The following SVOPL variants were observed in gnomAD, a reference collection of about 807,000 sequenced individuals.
The protein encoded by SVOPL is putative transporter SVOPL.
Under a neutral mutation model 61.0 loss-of-function variants are expected in SVOPL, and 60 were observed. The observed-to-expected ratio is 0.98, with a 90% CI of 0.80 to 1.22. The LOEUF is 1.22. Among genes scored for constraint, SVOPL ranks in the 50% most tolerant of loss-of-function variants. SVOPL has a pLI of 0.00. For synonymous variants in SVOPL, 279 were observed against 250.0 expected, an observed-to-expected ratio of 1.12 and a Z score of -1.09; for missense variants, 662 against 643.9, an observed-to-expected ratio of 1.03 and a Z score of -0.30.
chr7:138,598,067 A>C (rs1015952341), intron 14 of SVOPL, among the ~76,000 whole-genome samples: 14 of 152,240 alleles, frequency 9.2e-5, no homozygotes, highest in Admixed American at 7.2e-4. Flanking sequence ...AGTTTACTAA[A>C]GTCAGTTTCT....
intron 1 of SVOPL, among the ~76,000 whole-genome samples, chr7:138,691,817 A>G (rs2117141800): frequency 6.6e-6 from 1 of 152,040 alleles, no homozygotes. Flanking sequence ...CTGGGATTAC[A>G]GGCATGAGCC....
intron 6 of SVOPL, among the ~76,000 whole-genome samples, chr7:138,657,130 A>ATTTGTTTG (rs201878592): frequency 3.0e-5 from 4 of 135,380 alleles, no homozygotes; most frequent in East Asian, 4.6e-4. Context: ...CCCTTTTCTT[A>ATTTGTTTG]TTTGTTTATT....
Position 138,596,316 on chromosome 7 carries a change from T to G in SVOPL, c.1467+101A>C, listed in dbSNP as rs932305135. 4 of 941,366 alleles carry G rather than the reference T, an allele frequency of 4.2e-6. No homozygotes were observed. In the African/African-American group the frequency reaches 5.0e-5, roughly 12 times the overall value. 58.3% of individuals were successfully genotyped at this position (941,366 alleles called of 1,614,324 possible). On this transcript the variant is annotated intron_variant, in intron 15 of 15. Transcript: ENST00000674285. ...TTTACAGAAAGAAATCTGATATGAA[T>G]TATTAGTTATTTTAACTACAATGAT...
intron 4 of SVOPL, among the ~76,000 whole-genome samples, chr7:138,666,832 T>C (rs1353068719): frequency 3.3e-5 from 5 of 152,170 alleles, no homozygotes; most frequent in South Asian, 2.1e-4. Context: ...CTCACAAACA[T>C]GTATAGCTTT....
rs776614141 is a variant in SVOPL, at chr7:138,663,163, AT to A, written c.274-19del. On this transcript the variant is annotated intron_variant, in intron 4 of 15. Transcript: ENST00000674285. ...AACACCATCTGCAAGTGGGAGCGAG[AT>A]AAAACGGTTCTCTAAGCAGGTTTTA... 6.2e-7 allele frequency: 1 copy of A among 1,611,264 alleles called. No homozygotes were observed. Among genetic ancestry groups the A allele is most frequent in the Non-Finnish European group, 8.5e-7 (1 of 1,178,842 alleles).
intron 9 of SVOPL, among the ~76,000 whole-genome samples, chr7:138,641,835 A>ATATATAT (rs1208355061): frequency 5.0e-5 from 1 of 20,070 alleles, no homozygotes; most frequent in African/African-American, 1.1e-4. Flanking sequence ...TATATATATA[A>ATATATAT]CATATATATA....
chr7:138,683,587 T>G (rs1802744147), intron 1 of SVOPL, among the ~76,000 whole-genome samples: 1 of 152,078 alleles, frequency 6.6e-6, no homozygotes, highest in South Asian at 2.1e-4. Context: ...CAGGCTGGTC[T>G]TGAATTCCTG....
chr7:138,660,522 C>T (rs1428670452), intron 5 of SVOPL: 1 of 985,798 alleles, frequency 1.0e-6, no homozygotes, highest in African/African-American at 1.7e-5. Flanking sequence ...TAATGGCTGG[C>T]TATAAATGTT....
At chr7:138,661,873 CTG>C in intron 5 of SVOPL, 2 of 984,668 alleles carry the variant, frequency 2.0e-6, no homozygotes, top group Non-Finnish European at 2.4e-6. Context: ...AATTTCGTCT[CTG>C]TTTCTTCCTT....
chr7:138,599,424 G>C (rs916974324), intron 14 of SVOPL, among the ~76,000 whole-genome samples: 1 of 152,138 alleles, frequency 6.6e-6, no homozygotes, highest in Admixed American at 6.5e-5. Context: ...AGTATCTATG[G>C]ACATTTGGTT....
chr7:138,677,163 C>T (rs1197810298), intron 3 of SVOPL, among the ~76,000 whole-genome samples: 1 of 152,242 alleles, frequency 6.6e-6, no homozygotes, highest in Non-Finnish European at 1.5e-5. Flanking sequence ...CTCGGCCTCC[C>T]AAAGTGCTGG....
chr7:138,635,825 G>T (rs913421542), intron 9 of SVOPL, among the ~76,000 whole-genome samples: 4 of 152,176 alleles, frequency 2.6e-5, no homozygotes, highest in African/African-American at 9.6e-5. Flanking sequence ...CAAGAAATTG[G>T]CAATTGCTGT....
chr7:138,636,466 T>C (rs1158692543), intron 9 of SVOPL, among the ~76,000 whole-genome samples: 5 of 147,778 alleles, frequency 3.4e-5, no homozygotes, highest in East Asian at 4.0e-4. Flanking sequence ...CAAACTCTCA[T>C]AGGATTTTTC....
chr7:138,657,590 C>T (rs1378444763), intron 6 of SVOPL, among the ~76,000 whole-genome samples: 1 of 152,048 alleles, frequency 6.6e-6, no homozygotes, highest in Non-Finnish European at 1.5e-5. Context: ...AAACATATTC[C>T]ATCAGTTTTC....
chr7:138,657,863 T>TC (rs757720918), intron 6 of SVOPL, among the ~76,000 whole-genome samples: 3 of 152,076 alleles, frequency 2.0e-5, no homozygotes, highest in Non-Finnish European at 4.4e-5. Context: ...GCCCAAGGGG[T>TC]CCTGTGAATT....
chr7:138,662,303 C>T (rs1802034512), intron 5 of SVOPL: 2 of 985,444 alleles, frequency 2.0e-6, no homozygotes, highest in African/African-American at 1.7e-5. Flanking sequence ...CATCTGTTTC[C>T]TACTGATTGT....
chr7:138,667,523 C>T (rs1802296304), intron 4 of SVOPL, among the ~76,000 whole-genome samples: 2 of 152,134 alleles, frequency 1.3e-5, no homozygotes, highest in African/African-American at 4.8e-5. Flanking sequence ...GCTTCCTTTA[C>T]TCTCCCTTTT....
chr7:138,671,494 CCCA>C (rs979758793), intron 4 of SVOPL, among the ~76,000 whole-genome samples: 15 of 152,080 alleles, frequency 9.9e-5, no homozygotes, highest in South Asian at 2.1e-4. Flanking sequence ...ATTATAGGCA[CCCA>C]CCACCACATC....
intron 3 of SVOPL, among the ~76,000 whole-genome samples, chr7:138,673,471 A>T (rs1300171729): frequency 6.6e-6 from 1 of 152,172 alleles, no homozygotes; most frequent in Non-Finnish European, 1.5e-5. Context: ...AGCCTGGCCA[A>T]CATGGCAAAA....
Sources: allele counts gnomAD v4.1 joint callset (sites outside exome capture counted in the v4.1 genomes callset), GRCh38; gene constraint gnomAD v4.1.1; transcripts MANE v1.5; gene names NCBI Gene and HGNC (gene_info 2026-07-23, HGNC 2026-07-21).